The following TEKT2 variants were observed in gnomAD, a reference collection of about 807,000 sequenced individuals.
The protein encoded by TEKT2 is tektin 2, also known as tektin-2.
TEKT2 carries 45 observed loss-of-function variants against 49.8 expected under a neutral mutation model. The ratio of observed to expected loss-of-function variants is 0.90; its 90% confidence interval spans 0.71 to 1.16. The LOEUF (loss-of-function observed/expected upper bound fraction) is 1.16. Among genes scored for constraint, TEKT2 ranks in the 50% most tolerant of loss-of-function variants. TEKT2 has a pLI of 0.00. For missense variants in TEKT2, 523 were observed against 551.4 expected (o/e 0.95, Z 0.52); for synonymous variants, 202 against 224.6 (o/e 0.90, Z 0.90).
rs368178899 is a variant in TEKT2, at chr1:36,087,714, C to A, written c.1000-14C>A. 6 of 1,613,296 alleles carry A rather than the reference C, an allele frequency of 3.7e-6. No individual in the cohort carries two copies. The African/African-American group carries it at 6.7e-5, about 18-fold the overall frequency. ...GTGTGGCTGACTTGGAACTCCCAACCCCTCTGCCTCCAGGCACAGTACGGC... is the reference window on the plus strand; with the variant it reads ...GTGTGGCTGACTTGGAACTCCCAACACCTCTGCCTCCAGGCACAGTACGGC... On this transcript the variant is annotated splice_polypyrimidine_tract_variant and intron_variant, in intron 8 of 9. Transcript: ENST00000207457. This position sits in a 1 kb window ranked among gnomAD's most constrained non-coding sequence, Gnocchi z 4.9.
rs186755415 is a variant in TEKT2 at position 36,088,218 on chromosome 1, G to A, written c.*32G>A. On this transcript the variant is annotated 3_prime_UTR_variant, in exon 10 of 10. Coordinates refer to ENST00000207457, the MANE Select transcript of TEKT2 (RefSeq NM_014466.3). ...AGGACTGCAGGAGGAGGGCAGGGTT[G>A]GGTGGGCAATGGAAGGAGGGAGGAG... The A allele has an allele frequency of 1.1e-4, 168 of 1,501,996 alleles. 1 individual carries two copies. The Admixed American group carries it at 1.9e-3, about 17-fold the overall frequency. 93.0% of individuals were successfully genotyped at this position (1,501,996 alleles called of 1,614,324 possible).
intron 2 of TEKT2, 36 bp from the exon 3 acceptor site, chr1:36,085,127 C>G (rs1209056115): frequency 3.1e-6 from 5 of 1,614,138 alleles, no homozygotes. Context: ...CCCCCAACCC[C>G]TTGACACCCT....
intron 2 of TEKT2, 32 bp from the exon 3 acceptor site, chr1:36,085,131 A>C (rs148291329): frequency 6.2e-7 from 1 of 1,614,218 alleles, no homozygotes; most frequent in South Asian, 1.1e-5. Flanking sequence ...CAACCCCTTG[A>C]CACCCTCTCT....
Position 36,085,243 on chromosome 1 carries a change from C to T in TEKT2, c.237C>T (p.Asp79=), listed in dbSNP as rs998459965. The part of the protein sequence containing the change: ...DTVNRWKEML[D]KCLTDLDAEI... ...TCAACCGGTGGAAGGAGATGCTGGA[C>T]AAGTGTCTGACAGATTTAGATGCCG... Residue 79 remains aspartate (D), a synonymous_variant, in exon 3 of 10, where the codon GAC becomes GAT. Transcript: ENST00000207457. 6.2e-6 allele frequency: 10 copies of T among 1,614,170 alleles called. No homozygotes were observed. In the Admixed American group the frequency reaches 1.7e-4, roughly 27 times the overall value.
Position 36,088,213 on chromosome 1 carries a change from G to A in TEKT2, c.*27G>A, listed in dbSNP as rs1643419982. ...CTTGGAGGACTGCAGGAGGAGGGCA[G>A]GGTTGGGTGGGCAATGGAAGGAGGG... On this transcript the variant is annotated 3_prime_UTR_variant, in exon 10 of 10. Transcript: ENST00000207457. 1 of 1,488,718 alleles carries A rather than the reference G, an allele frequency of 6.7e-7. No homozygotes were observed. The highest frequency in any genetic ancestry group is 9.3e-7 in the Non-Finnish European group (1 of 1,069,884). 92.2% of individuals were successfully genotyped at this position (1,488,718 alleles called of 1,614,324 possible). A position where few individuals can be genotyped will look rare whatever the true frequency, so the allele number is the denominator to read the frequency against.
intron 4 of TEKT2, 87 bp from the exon 5 acceptor site, chr1:36,086,617 T>A: frequency 1.9e-6 from 3 of 1,575,254 alleles, no homozygotes; most frequent in Non-Finnish European, 2.6e-6. Flanking sequence ...CACCCCAGCC[T>A]CCTCTTCCTG....
At position 36,085,258 on chromosome 1, in the gene TEKT2, T is replaced by A. The variant is rs763279929; in HGVS notation, c.252T>A (p.Asp84Glu). 2 of 1,614,040 alleles carry A rather than the reference T, an allele frequency of 1.2e-6. No homozygotes were observed. Among genetic ancestry groups the A allele is most frequent in the Non-Finnish European group, 1.7e-6 (2 of 1,180,014 alleles). The change falls in exon 3 of 10, where the codon GAT becomes GAA. Residue 84 changes from aspartate (D) to glutamate (E), a missense_variant. Asp to Glu is a conservative substitution (Grantham distance 45). Transcript: ENST00000207457. ...AGATGCTGGACAAGTGTCTGACAGATTTAGATGCCGAGATCGATGCCCTGA... is the reference window on the plus strand; with the variant it reads ...AGATGCTGGACAAGTGTCTGACAGAATTAGATGCCGAGATCGATGCCCTGA... ...WKEMLDKCLTDLDAEIDALTQ... is the reference protein window; with the variant it reads ...WKEMLDKCLTELDAEIDALTQ...
At position 36,086,781 on chromosome 1, in the gene TEKT2, G is replaced by T; in HGVS notation, c.566G>T (p.Cys189Phe). Reference protein sequence around the residue: ...KMETLEIDRGCLSLNLRSPNI... With the variant: ...KMETLEIDRGFLSLNLRSPNI... ...GAGACACTAGAGATCGACAGAGGCTGTCTCTCTCTCAACCTCAGATCCCCA... is the reference window on the plus strand; with the variant it reads ...GAGACACTAGAGATCGACAGAGGCTTTCTCTCTCTCAACCTCAGATCCCCA... The change falls in exon 5 of 10, where the codon TGT (cysteine) becomes TTT (phenylalanine). Residue 189 changes from cysteine to phenylalanine, a missense_variant. Cys to Phe is a radical substitution (Grantham distance 205, BLOSUM62 -2). Coordinates refer to ENST00000207457, the MANE Select transcript of TEKT2 (RefSeq NM_014466.3). The T allele has an allele frequency of 6.2e-7, 1 of 1,614,062 alleles. No individual in the cohort carries two copies. The highest frequency in any genetic ancestry group is 8.5e-7 in the Non-Finnish European group (1 of 1,180,000).
rs768616379 is a variant in TEKT2 at position 36,087,315 on chromosome 1, A to C, written c.855+4A>C. 1.9e-6 allele frequency: 3 copies of C among 1,614,040 alleles called. No homozygotes were observed. The South Asian group carries it at 3.3e-5, about 18-fold the overall frequency. On this transcript the variant is annotated splice_donor_region_variant and intron_variant, in intron 7 of 9. Coordinates refer to ENST00000207457, the MANE Select transcript of TEKT2 (RefSeq NM_014466.3). The surrounding 1 kb of genome is among the most constrained non-coding windows in gnomAD (Gnocchi z 4.9). The stretch of plus-strand genomic sequence containing the variant: ...GCTCAAGTGGCAAGAGAAGAATGTG[A>C]GCATCTCCAGGGGCCTGGACTTCCT...
chr1:36,085,312 C>CGGG lies in TEKT2; in HGVS notation c.282+27_282+29dup, dbSNP rs779364583. The CGGG allele has an allele frequency of 3.1e-6, 5 of 1,613,206 alleles. No individual in the cohort carries two copies. In the Admixed American group the frequency reaches 6.7e-5, roughly 22 times the overall value. On this transcript the variant is annotated intron_variant, in intron 3 of 9. Coordinates refer to ENST00000207457, the MANE Select transcript of TEKT2 (RefSeq NM_014466.3). ...AGGCAGGGATCCAGGACTGGGTGCC[C>CGGG]GGGGGCTGCTGCCGAAACCTCCCCT...
In TEKT2 at chr1:36,085,084, G is replaced by T. The variant is rs917240825; in HGVS notation, c.156+7G>T. ...CAACGAGACCAACAACCAGGTTGGG[G>T]ATGGGAACTCAGCTGGGTGGGCAAA... On this transcript the variant is annotated splice_region_variant and intron_variant, in intron 2 of 9. Coordinates refer to ENST00000207457, the MANE Select transcript of TEKT2 (RefSeq NM_014466.3). 1 of 1,614,218 alleles carries T rather than the reference G, an allele frequency of 6.2e-7. No individual in the cohort carries two copies. Among genetic ancestry groups the T allele is most frequent in the Admixed American group, 1.7e-5 (1 of 60,030 alleles).
At position 36,086,794 on chromosome 1, in the gene TEKT2, C is replaced by T. The variant is rs150372434; in HGVS notation, c.579C>T (p.Asn193=). 7 of 1,614,038 alleles carry T rather than the reference C, an allele frequency of 4.3e-6. No homozygotes were observed. Among genetic ancestry groups the T allele is most frequent in the Non-Finnish European group, 4.2e-6 (5 of 1,180,048 alleles). ...TCGACAGAGGCTGTCTCTCTCTCAA[C>T]CTCAGATCCCCAAACATCTCGCTGA... ...LEIDRGCLSL[N]LRSPNISLKV... The change falls in exon 5 of 10, where the codon AAC becomes AAT. Residue 193 remains asparagine, a synonymous_variant. Transcript: ENST00000207457.
At chr1:36,086,154 G>C in intron 4 of TEKT2, 113 bp downstream of exon 4, 1 of 1,246,876 alleles carries the variant, frequency 8.0e-7, no homozygotes, top group Non-Finnish European at 1.1e-6. Flanking sequence ...GCTACATTTT[G>C]GCCCTCTGGT....
At chr1:36,085,756 G>A in intron 3 of TEKT2, 80 bp from the exon 4 acceptor site, 1 of 1,411,006 alleles carries the variant, frequency 7.1e-7, no homozygotes, top group Non-Finnish European at 9.8e-7. Flanking sequence ...CTGACCTCAA[G>A]TGTTCCATCC....
rs1643404274 is a variant in TEKT2, at chr1:36,087,610, GC to G, written c.999+33del. 6.2e-7 allele frequency: 1 copy of G among 1,613,446 alleles called. No individual in the cohort carries two copies. The highest frequency in any genetic ancestry group is 8.5e-7 in the Non-Finnish European group (1 of 1,179,946). On this transcript the variant is annotated intron_variant, in intron 8 of 9. Transcript: ENST00000207457. This position sits in a 1 kb window ranked among gnomAD's most constrained non-coding sequence, Gnocchi z 4.9. Reference sequence around the variant, plus strand: ...GAGAGGGTGTCCCAGTGGCGCACGGGCCCCCTAGCCAAGGTTTTCTCATATT... The same window carrying G: ...GAGAGGGTGTCCCAGTGGCGCACGGGCCCCTAGCCAAGGTTTTCTCATATT...
At chr1:36,085,731 G>A (rs1360968206) in intron 3 of TEKT2, 105 bp from the exon 4 acceptor site, 1 of 1,169,586 alleles carries the variant, frequency 8.6e-7, no homozygotes, top group Non-Finnish European at 1.2e-6. Flanking sequence ...TTTTGGCCAG[G>A]CTGTTCTCGA....
At chr1:36,086,182 C>G (rs943171596) in intron 4 of TEKT2, 141 bp downstream of exon 4, 1 of 899,784 alleles carries the variant, frequency 1.1e-6, no homozygotes, top group East Asian at 2.6e-5. Flanking sequence ...ACAGAAACCA[C>G]TAATCAATTG....
rs1173175306 is a variant in TEKT2, at chr1:36,087,993, G to A, written c.1100G>A (p.Cys367Tyr). Residue 367 changes from cysteine to tyrosine, a missense_variant, in exon 10 of 10, where the codon TGC becomes TAC. Physicochemically the swap from Cys to Tyr is radical, Grantham distance 194. Transcript: ENST00000207457. The surrounding 1 kb of genome is among the most constrained non-coding windows in gnomAD (Gnocchi z 4.9). ...AQAQDALDAL[C>Y]KHLARLQADI... ...CCTAGGGACGCACTGGACGCCCTGTGCAAGCACCTGGCCCGGCTGCAGGCT... is the reference window on the plus strand; with the variant it reads ...CCTAGGGACGCACTGGACGCCCTGTACAAGCACCTGGCCCGGCTGCAGGCT... 1 of 1,611,156 alleles carries A rather than the reference G, an allele frequency of 6.2e-7. No homozygotes were observed.
rs200428414 is a variant in TEKT2 at position 36,086,770 on chromosome 1, C to T, written c.555C>T (p.Ile185=). ...GGGGCAAAATGGAGACACTAGAGAT[C>T]GACAGAGGCTGTCTCTCTCTCAACC... is the stretch of plus-strand genomic sequence containing the variant. ...DHRGKMETLE[I]DRGCLSLNLR... Residue 185 remains isoleucine, a synonymous_variant, in exon 5 of 10, where the codon ATC becomes ATT. Coordinates refer to ENST00000207457, the MANE Select transcript of TEKT2 (RefSeq NM_014466.3). The T allele has an allele frequency of 5.7e-5, 92 of 1,614,072 alleles. 2 individuals carry two copies. The highest frequency in any genetic ancestry group is 5.5e-4 in the South Asian group (50 of 91,076).
Sources: allele counts gnomAD v4.1 joint callset, GRCh38; gene constraint gnomAD v4.1.1; non-coding constraint Gnocchi (gnomAD v3.1); transcripts MANE v1.5; gene names NCBI Gene and HGNC (gene_info 2026-07-23, HGNC 2026-07-21).